DMD: variants seen among roughly 807,000 people sequenced by gnomAD.
The protein encoded by DMD is mutant dystrophin.
In DMD, 63 loss-of-function variants were observed where a neutral mutation model predicts 330.1. The ratio of observed to expected loss-of-function variants is 0.19; its 90% CI spans 0.16 to 0.24. The LOEUF is 0.24. DMD is among the 10% of genes least tolerant of loss of function. DMD has a pLI of 1.00. For missense variants in DMD, 3,344 were observed against 2,684.1 expected, an observed-to-expected ratio of 1.25 and a Z score of -5.43; for synonymous variants, 1,223 against 959.8, an observed-to-expected ratio of 1.27 and a Z score of -5.07.
rs764717530 is a variant in DMD at position 32,153,420 on chromosome X, C to A, written c.6438+63496G>T. ...TGAAGTAGTGGAGAGACTGATGGAC[C>A]ATAAGCCATAAATCTTTTTAAAAAA... On this transcript the variant is annotated intron_variant, in intron 44 of 78. Coordinates refer to ENST00000357033, the MANE Select transcript of DMD (RefSeq NM_004006.3). Among the ~76,000 whole-genome samples, 9 of 109,554 alleles carry A rather than the reference C, an allele frequency of 8.2e-5. No homozygotes were observed. In the East Asian group the frequency reaches 2.6e-3, roughly 32 times the overall value.
intron 41 of DMD, among the ~76,000 whole-genome samples, chrX:32,312,963 A>AAAAAAAAAAAAAAAAAAAAAAAAAAC (rs2097569517): frequency 1.0e-5 from 1 of 97,090 alleles, no homozygotes; most frequent in Admixed American, 1.2e-4. Context: ...AAAAAAAAAA[A>AAAAAAAAAAAAAAAAAAAAAAAAAAC]AGCCCAGGAC....
chrX:32,552,046 G>T (rs773449555), intron 16 of DMD, among the ~76,000 whole-genome samples: 1 of 111,910 alleles, frequency 8.9e-6, no homozygotes, highest in Non-Finnish European at 1.9e-5. Flanking sequence ...TGGCCATAAT[G>T]CCTAAAGCAC....
chrX:31,427,538 G>A (rs190015370), intron 60 of DMD, among the ~76,000 whole-genome samples: 2 of 111,805 alleles, frequency 1.8e-5, no homozygotes, highest in Non-Finnish European at 3.8e-5. Context: ...TGAACTTCAT[G>A]CAAAAGTGAT....
chrX:32,798,916 A>T (rs991992040), intron 7 of DMD, among the ~76,000 whole-genome samples: 37 of 111,660 alleles, frequency 3.3e-4, no homozygotes, highest in African/African-American at 1.2e-3. Flanking sequence ...ACTTATAAAC[A>T]TTTCTTGCCA....
At chrX:31,378,065 C>T in intron 60 of DMD, among the ~76,000 whole-genome samples, 1 of 111,516 alleles carries the variant, frequency 9.0e-6, no homozygotes, top group Middle Eastern at 4.6e-3. Flanking sequence ...CCCCTGTCTC[C>T]CTTTGCTGAC....
chrX:32,675,836 G>C lies in DMD; in HGVS notation c.960+22034C>G, dbSNP rs192456253. Among the ~76,000 whole-genome samples, 31 of 112,015 alleles carry C rather than the reference G, an allele frequency of 2.8e-4. No individual in the cohort carries two copies. The East Asian group carries it at 5.3e-3, about 19-fold the overall frequency. On this transcript the variant is annotated intron_variant, in intron 9 of 78. Transcript: ENST00000357033. ...TAAACATTGAATTAATGTATGAAAA[G>C]TGTTTACAGCAATGTTTGTTATATA...
At chrX:32,746,883 T>G (rs1294652305) in intron 7 of DMD, among the ~76,000 whole-genome samples, 1 of 111,371 alleles carries the variant, frequency 9.0e-6, no homozygotes, top group South Asian at 3.8e-4. Flanking sequence ...CCTCCCCGGC[T>G]TCTGCTAACC....
chrX:32,716,680 G>C lies in DMD; in HGVS notation c.650-17387C>G, dbSNP rs906218536. Among the ~76,000 whole-genome samples, 3 of 110,828 alleles carry C rather than the reference G, an allele frequency of 2.7e-5. No homozygotes were observed. In the Admixed American group the frequency reaches 2.9e-4, roughly 11 times the overall value. ...AGCGCTCAGAAGACAGGAAGATGAG[G>C]GAAAGTTTGTAACTTCCTAGAGACT... On this transcript the variant is annotated intron_variant, in intron 7 of 78. Transcript: ENST00000357033.
At position 32,310,150 on chromosome X, in the gene DMD, G is replaced by C. The variant is rs201532491; in HGVS notation, c.6049C>G (p.Leu2017Val). Residue 2017 changes from leucine to valine, a missense_variant, in exon 42 of 79, where the codon CTT (leucine) becomes GTT (valine). Transcript: ENST00000357033. ...VSQALLEVEQ[L>V]LNAPDLCAKD... is the part of the protein sequence containing the mutation. Reference sequence around the variant, plus strand: ...GCACAGAGGTCAGGAGCATTGAGAAGTTGTTCCACTTCTAATAGGGCTTGT... The same window carrying C: ...GCACAGAGGTCAGGAGCATTGAGAACTTGTTCCACTTCTAATAGGGCTTGT... 2 of 1,209,499 alleles carry C rather than the reference G, an allele frequency of 1.7e-6. No homozygotes were observed. The highest frequency in any genetic ancestry group is 5.9e-5 in the East Asian group (2 of 33,758).
intron 2 of DMD, among the ~76,000 whole-genome samples, chrX:32,867,767 T>A (rs1569536704): frequency 8.9e-6 from 1 of 112,151 alleles, no homozygotes; most frequent in Non-Finnish European, 1.9e-5. Context: ...ACCAACTTTT[T>A]AAAAGATTGG....
chrX:32,540,324 T>A (rs772771511), intron 17 of DMD, among the ~76,000 whole-genome samples: 3 of 111,338 alleles, frequency 2.7e-5, no homozygotes, highest in African/African-American at 9.8e-5. Context: ...AAGAGAAAAA[T>A]TTATGCAATA....
chrX:32,844,955 T>A, intron 3 of DMD, 95 bp from the exon 4 acceptor site: 2 of 724,631 alleles, frequency 2.8e-6, no homozygotes, highest in South Asian at 4.4e-5. Flanking sequence ...TAAGCTTGAA[T>A]ATTGTAAACG....
intron 11 of DMD, among the ~76,000 whole-genome samples, chrX:32,618,311 C>T (rs977186955): frequency 8.9e-6 from 1 of 112,116 alleles, no homozygotes; most frequent in Non-Finnish European, 1.9e-5. Flanking sequence ...TAAACACATA[C>T]CATGGAATAC....
intron 43 of DMD, among the ~76,000 whole-genome samples, chrX:32,226,700 C>T (rs983241748): frequency 9.0e-6 from 1 of 111,389 alleles, no homozygotes; most frequent in African/African-American, 3.3e-5. Flanking sequence ...TCAGTTATCT[C>T]ACACATAAAC....
intron 1 of DMD, among the ~76,000 whole-genome samples, chrX:33,047,186 A>G (rs1350957115): frequency 8.9e-6 from 1 of 112,215 alleles, no homozygotes; most frequent in Non-Finnish European, 1.9e-5. Flanking sequence ...TAACTCCATT[A>G]TTAACCCAAT....
Position 32,595,841 on chromosome X carries a change from C to T in DMD, c.1518G>A (p.Arg506=). Residue 506 remains arginine, a synonymous_variant, in exon 13 of 79, where the codon AGG becomes AGA. Transcript: ENST00000357033. Reference sequence around the variant, plus strand: ...CCACCATGTGAGTGAGAGAATTGACCCTGACTTGTTCTTGTTCTAGATCTT... The same window carrying T: ...CCACCATGTGAGTGAGAGAATTGACTCTGACTTGTTCTTGTTCTAGATCTT... ...LQEDLEQEQV[R]VNSLTHMVVV... 1.7e-6 allele frequency: 2 copies of T among 1,202,381 alleles called. No individual in the cohort carries two copies. The highest frequency in any genetic ancestry group is 1.1e-6 in the Non-Finnish European group (1 of 887,257).
At chrX:31,140,622 C>T (rs1361331631) in intron 76 of DMD, among the ~76,000 whole-genome samples, 1 of 112,081 alleles carries the variant, frequency 8.9e-6, no homozygotes, top group Admixed American at 9.4e-5. Context: ...TTATGGTGTA[C>T]AATGTTGTTG....
In DMD at chrX:31,865,919, C is replaced by A. The variant is rs143623247; in HGVS notation, c.7098+9269G>T. ...CTGTTCCTTCGGTGCCTCTTTCCTC[C>A]AGGAGACATTCTCACTATTCTGTTT... On this transcript the variant is annotated intron_variant, in intron 48 of 78. Transcript: ENST00000357033. Among the ~76,000 whole-genome samples the A allele has an allele frequency of 2.2e-3, 242 of 111,357 alleles. 2 individuals are homozygous for A. The highest frequency in any genetic ancestry group is 7.2e-3 in the African/African-American group (222 of 30,646).
At chrX:32,469,604 T>G (rs1406809780) in intron 22 of DMD, among the ~76,000 whole-genome samples, 2 of 111,545 alleles carry the variant, frequency 1.8e-5, no homozygotes, top group Non-Finnish European at 1.9e-5. Context: ...TTTTTAAGTT[T>G]ATTTCACTTT....
Sources: gnomAD v4.1 joint callset for allele counts (sites outside exome capture counted in the v4.1 genomes callset) on GRCh38, gnomAD v4.1.1 for gene constraint, MANE v1.5 for transcripts, NCBI Gene and HGNC (gene_info 2026-07-23, HGNC 2026-07-21) for gene names.